The following POSTN variants were observed in gnomAD, a reference collection of about 807,000 sequenced individuals.
POSTN encodes osteoblast specific factor 2 (fasciclin I-like).
Under a neutral mutation model 104.5 loss-of-function variants are expected in POSTN, and 71 were observed. The ratio of observed to expected loss-of-function variants is 0.68; its 90% CI spans 0.56 to 0.83. The LOEUF (loss-of-function observed/expected upper bound fraction) is 0.83. POSTN is among the 40% of genes least tolerant of loss of function. The pLI, the probability that POSTN is intolerant of heterozygous loss-of-function variation, is 0.00. For synonymous variants in POSTN, 355 were observed against 340.7 expected, an observed-to-expected ratio of 1.04 and a Z score of -0.46; for missense variants, 949 against 1,006.8, an observed-to-expected ratio of 0.94 and a Z score of 0.78.
chr13:37,569,188 CT>C (rs58863577), intron 21 of POSTN, 111 bp downstream of exon 21: 335,715 of 560,814 alleles, frequency 0.6, 73,883 homozygotes, highest in African/African-American at 0.76. Flanking sequence ...TGGATGTTGT[CT>C]TTTTTTTTTT....
In POSTN at chr13:37,590,994, T is replaced by G. The variant is rs181053137; in HGVS notation, c.284-465A>C. On this transcript the variant is annotated intron_variant, in intron 3 of 22. Coordinates refer to ENST00000379747, the MANE Select transcript of POSTN (RefSeq NM_006475.3). ...GAACGTCAGAAGAAAGATTCATGAA[T>G]GAATGTCAGCCTGAAGGGATTTATC... 1.3e-4 allele frequency among the ~76,000 whole-genome samples: 20 copies of G among 152,298 alleles called. No homozygotes were observed. The East Asian group carries it at 3.7e-3, about 28-fold the overall frequency.
In POSTN at chr13:37,580,026, T is replaced by C. The variant is rs764072172; in HGVS notation, c.1530-35A>G. On this transcript the variant is annotated intron_variant, in intron 11 of 22. Coordinates refer to ENST00000379747, the MANE Select transcript of POSTN (RefSeq NM_006475.3). Reference sequence around the variant, plus strand: ...AAGAATGTATATGTATTTTGTCAGATTTAGATTTAGGTATGTTCACCTACA... The same window carrying C: ...AAGAATGTATATGTATTTTGTCAGACTTAGATTTAGGTATGTTCACCTACA... 16 of 1,595,858 alleles carry C rather than the reference T, an allele frequency of 1.0e-5. No homozygotes were observed. In the East Asian group the frequency reaches 3.6e-4, roughly 36 times the overall value.
intron 5 of POSTN, 26 bp from the exon 6 acceptor site, chr13:37,586,954 T>G (rs1412943693): frequency 6.2e-7 from 1 of 1,609,794 alleles, no homozygotes; most frequent in East Asian, 2.2e-5. Context: ...AAAATCAAAG[T>G]GCTGAAACCA....
intron 21 of POSTN, among the ~76,000 whole-genome samples, chr13:37,567,395 G>A (rs1950144950): frequency 6.6e-6 from 1 of 151,580 alleles, no homozygotes; most frequent in Admixed American, 6.6e-5. Context: ...GTCTTACATA[G>A]TGTAATCTTT....
chr13:37,588,330 A>T (rs79196226), intron 4 of POSTN, among the ~76,000 whole-genome samples: 6,817 of 152,240 alleles, frequency 0.045, 498 homozygotes, highest in African/African-American at 0.16. Context: ...AACAAAAGAA[A>T]ACAAAAATGA....
intron 12 of POSTN, among the ~76,000 whole-genome samples, 168 bp from the exon 13 acceptor site, chr13:37,579,527 T>C (rs1950517238): frequency 6.6e-6 from 1 of 152,236 alleles, no homozygotes; most frequent in Admixed American, 6.5e-5. Context: ...TTATTTCAAT[T>C]AGCCTAATCA....
intron 22 of POSTN, 125 bp downstream of exon 22, chr13:37,564,394 C>T: frequency 1.7e-6 from 1 of 592,418 alleles, no homozygotes; most frequent in Non-Finnish European, 3.0e-6. Context: ...TCAAAACTGG[C>T]TAGCTTTTCT....
chr13:37,588,351 G>T (rs540370322), intron 4 of POSTN, among the ~76,000 whole-genome samples: 3 of 152,066 alleles, frequency 2.0e-5, no homozygotes, highest in Admixed American at 2.0e-4. Context: ...CATTATATTT[G>T]TATGCAACAC....
intron 12 of POSTN, 104 bp from the exon 13 acceptor site, chr13:37,579,463 T>C (rs1950515881): frequency 2.2e-6 from 2 of 928,062 alleles, no homozygotes; most frequent in Admixed American, 2.5e-5. Flanking sequence ...TATTGTACTT[T>C]CTCATAATAT....
chr13:37,595,047 A>ATT (rs34055085), intron 2 of POSTN, among the ~76,000 whole-genome samples: 4,636 of 144,360 alleles, frequency 0.032, 226 homozygotes, highest in African/African-American at 0.11. Context: ...CAAAGTAGTG[A>ATT]TTTTTTTTTT....
rs767258147 is a variant in POSTN at position 37,578,986 on chromosome 13, CTT to C, written c.1894+31_1894+32del. 5 of 1,602,434 alleles carry C rather than the reference CTT, an allele frequency of 3.1e-6. No individual in the cohort carries two copies. In the African/African-American group the frequency reaches 6.7e-5, roughly 22 times the overall value. ...AATCGAGGTTCATATTAAAAAAAGA[CTT>C]AGCCTATCAATGAGTTCAATAATTA... is the stretch of plus-strand genomic sequence containing the variant. On this transcript the variant is annotated intron_variant, in intron 14 of 22. Coordinates refer to ENST00000379747, the MANE Select transcript of POSTN (RefSeq NM_006475.3).
chr13:37,588,332 C>T (rs1427871162), intron 4 of POSTN, among the ~76,000 whole-genome samples: 2 of 151,910 alleles, frequency 1.3e-5, no homozygotes, highest in African/African-American at 4.8e-5. Context: ...CAAAAGAAAA[C>T]AAAAATGACA....
chr13:37,584,569 A>G (rs1950690050), intron 8 of POSTN, 147 bp downstream of exon 8: 2 of 683,140 alleles, frequency 2.9e-6, no homozygotes, highest in South Asian at 1.9e-5. Context: ...GGAGTGCTCA[A>G]GTAGCTCACT....
At chr13:37,576,292 CT>C (rs1446133532) in intron 16 of POSTN, among the ~76,000 whole-genome samples, 1 of 152,010 alleles carries the variant, frequency 6.6e-6, no homozygotes, top group Admixed American at 6.6e-5. Context: ...TTTAATTTAT[CT>C]TTACTTCTAC....
intron 6 of POSTN, 128 bp downstream of exon 6, chr13:37,586,654 A>G: frequency 2.4e-6 from 2 of 841,938 alleles, no homozygotes; most frequent in East Asian, 5.3e-5. Flanking sequence ...TAAAATGAAA[A>G]TAGTAGTCCT....
chr13:37,588,159 T>C (rs924282245), intron 4 of POSTN, among the ~76,000 whole-genome samples, 173 bp from the exon 5 acceptor site: 5 of 152,258 alleles, frequency 3.3e-5, no homozygotes, highest in African/African-American at 1.2e-4. Flanking sequence ...AGGGATTTTG[T>C]AAGTTCAGAT....
At position 37,570,618 on chromosome 13, in the gene POSTN, A is replaced by G. The variant is rs759837045; in HGVS notation, c.2231T>C (p.Ile744Thr). 6.2e-7 allele frequency: 1 copy of G among 1,609,060 alleles called. No homozygotes were observed. Among genetic ancestry groups the G allele is most frequent in the African/African-American group, 1.3e-5 (1 of 74,714 alleles). ...TTCTTCTCGTGTCTCTTTTTCAGTT[A>G]TTTCCACAGGCACTCCATCAATGAT... ...TKIIDGVPVEITEKETREERI... is the reference protein window; with the variant it reads ...TKIIDGVPVETTEKETREERI... The change falls in exon 19 of 23, where the codon ATA becomes ACA. Residue 744 changes from isoleucine (I) to threonine (T), a missense_variant. By Grantham distance (89) the Ile-to-Thr change is moderately conservative (BLOSUM62 -1). Coordinates refer to ENST00000379747, the MANE Select transcript of POSTN (RefSeq NM_006475.3).
At chr13:37,574,675 A>G (rs1296402754) in intron 16 of POSTN, 23 bp from the exon 17 acceptor site, 2 of 1,560,190 alleles carry the variant, frequency 1.3e-6, no homozygotes, top group Admixed American at 2.2e-5. Flanking sequence ...AAAGTGGAAC[A>G]TGAAAAATAT....
intron 9 of POSTN, among the ~76,000 whole-genome samples, chr13:37,583,627 G>A (rs1044848390): frequency 6.6e-6 from 1 of 151,824 alleles, no homozygotes; most frequent in African/African-American, 2.4e-5. Context: ...TTCTCACCAT[G>A]CTGGCCAGGC....
Sources: gnomAD v4.1 joint callset for allele counts (sites outside exome capture counted in the v4.1 genomes callset) on GRCh38, gnomAD v4.1.1 for gene constraint, MANE v1.5 for transcripts, NCBI Gene and HGNC (gene_info 2026-07-23, HGNC 2026-07-21) for gene names.